The following NEK7 variants were observed in gnomAD, a reference collection of about 807,000 sequenced individuals.
The protein encoded by NEK7 is serine/threonine-protein kinase Nek7.
NEK7 carries 18 observed loss-of-function variants against 44.6 expected under a neutral mutation model. That is an observed-to-expected ratio of 0.40 (90% CI 0.28 to 0.60). NEK7 has a LOEUF of 0.60. NEK7 is among the 20% of genes least tolerant of loss of function. The probability of loss-of-function intolerance (pLI) is 0.38; values close to 1 mark genes in which losing one functional copy is unlikely to be tolerated. For missense variants in NEK7, 256 were observed against 366.5 expected (o/e 0.70, Z 2.46); for synonymous variants, 130 against 121.1 (o/e 1.07, Z -0.48).
At chr1:198,171,763 G>T (rs1176267521) in intron 1 of NEK7, among the ~76,000 whole-genome samples, 1 of 152,054 alleles carries the variant, frequency 6.6e-6, no homozygotes, top group Non-Finnish European at 1.5e-5. Flanking sequence ...TTAGGGCACT[G>T]GTTGTAGTTC....
intron 3 of NEK7, among the ~76,000 whole-genome samples, chr1:198,260,378 A>G (rs1653416462): frequency 6.6e-6 from 1 of 151,372 alleles, no homozygotes; most frequent in South Asian, 2.1e-4. Context: ...AGTTTATGTG[A>G]ACTTTGTGAT....
At chr1:198,300,742 T>C (rs1391182593) in intron 9 of NEK7, among the ~76,000 whole-genome samples, 1 of 152,204 alleles carries the variant, frequency 6.6e-6, no homozygotes, top group Non-Finnish European at 1.5e-5. Context: ...TGAGGGAATG[T>C]GGCAGGAATC....
At chr1:198,224,985 C>T (rs1666172345) in intron 1 of NEK7, among the ~76,000 whole-genome samples, 1 of 152,060 alleles carries the variant, frequency 6.6e-6, no homozygotes, top group Non-Finnish European at 1.5e-5. Context: ...TAGTTCAGAG[C>T]TCAGGATAGA....
intron 2 of NEK7, among the ~76,000 whole-genome samples, chr1:198,234,383 A>G (rs1317239576): frequency 6.6e-6 from 1 of 152,134 alleles, no homozygotes; most frequent in African/African-American, 2.4e-5. Flanking sequence ...AAACATATCT[A>G]TTAAACATAG....
intron 1 of NEK7, among the ~76,000 whole-genome samples, chr1:198,179,393 C>T (rs1483343240): frequency 6.6e-6 from 1 of 151,888 alleles, no homozygotes; most frequent in Non-Finnish European, 1.5e-5. Context: ...TTTATGTTTG[C>T]TTTATTTTTT....
intron 1 of NEK7, among the ~76,000 whole-genome samples, chr1:198,228,061 G>A (rs1010611521): frequency 6.6e-6 from 1 of 152,130 alleles, no homozygotes; most frequent in African/African-American, 2.4e-5. Flanking sequence ...TGTAAGGAAG[G>A]GATCCAGTTG....
intron 1 of NEK7, among the ~76,000 whole-genome samples, chr1:198,211,393 T>C (rs1418926665): frequency 1.3e-5 from 2 of 152,208 alleles, no homozygotes; most frequent in Non-Finnish European, 2.9e-5. Context: ...TACACAATTC[T>C]CTTTTCCATT....
chr1:198,231,332 TATATAA>T (rs1332262452), intron 1 of NEK7, among the ~76,000 whole-genome samples: 12 of 137,838 alleles, frequency 8.7e-5, no homozygotes, highest in African/African-American at 2.9e-4. Flanking sequence ...TATATATATA[TATATAA>T]AAACACATGA....
At chr1:198,176,605 T>A (rs867613176) in intron 1 of NEK7, among the ~76,000 whole-genome samples, 16 of 136,234 alleles carry the variant, frequency 1.2e-4, no homozygotes, top group African/African-American at 3.8e-4. Flanking sequence ...TATATATATA[T>A]AATGGGTATG....
intron 1 of NEK7, among the ~76,000 whole-genome samples, chr1:198,229,916 A>G (rs1666336766): frequency 2.0e-5 from 3 of 152,162 alleles, no homozygotes; most frequent in African/African-American, 7.2e-5. Flanking sequence ...GTCACGTATC[A>G]GTAGCTATAG....
intron 7 of NEK7, among the ~76,000 whole-genome samples, chr1:198,280,653 AATTC>A (rs1270472064): frequency 2.0e-5 from 3 of 151,414 alleles, no homozygotes; most frequent in African/African-American, 7.3e-5. Flanking sequence ...TAGATTTAAT[AATTC>A]ATTATGAATT....
intron 9 of NEK7, among the ~76,000 whole-genome samples, chr1:198,302,475 G>A (rs940279889): frequency 7.9e-5 from 12 of 151,370 alleles, no homozygotes; most frequent in African/African-American, 2.9e-4. Flanking sequence ...TCACTCAAAT[G>A]TTTAAGAATT....
intron 1 of NEK7, among the ~76,000 whole-genome samples, chr1:198,226,405 C>T (rs1408080822): frequency 1.3e-5 from 2 of 151,884 alleles, no homozygotes; most frequent in South Asian, 2.1e-4. Flanking sequence ...TTTAGCTGGG[C>T]GTGGTGGCAC....
At position 198,157,249 on chromosome 1, in the gene NEK7, G is replaced by T. The variant is rs894384019; in HGVS notation, c.-56G>T. ...CGCCCGCCCAAGGTCTCTCGCGGGC[G>T]GGAGAACGGAAAACTCCCAACTTCC... On this transcript the variant is annotated 5_prime_UTR_variant, in exon 1 of 10. Coordinates refer to ENST00000367385, the MANE Select transcript of NEK7 (RefSeq NM_133494.3). 3 of 152,012 alleles carry T rather than the reference G, an allele frequency of 2.0e-5. No individual in the cohort carries two copies. The highest frequency in any genetic ancestry group is 4.4e-5 in the Non-Finnish European group (3 of 68,002). The allele number at this position is 152,012 out of a possible 1,614,324, so 9.4% of individuals were successfully genotyped here.
chr1:198,199,074 T>C (rs1408737804), intron 1 of NEK7, among the ~76,000 whole-genome samples: 1 of 152,230 alleles, frequency 6.6e-6, no homozygotes, highest in Non-Finnish European at 1.5e-5. Flanking sequence ...TGGTCCACTT[T>C]AGTAGCAGCT....
chr1:198,317,658 A>G (rs567984437), intron 9 of NEK7, among the ~76,000 whole-genome samples: 79 of 152,212 alleles, frequency 5.2e-4, no homozygotes, highest in African/African-American at 1.2e-3. Context: ...AAAATTGTTT[A>G]CTGCATGCAT....
intron 9 of NEK7, among the ~76,000 whole-genome samples, chr1:198,310,364 T>A (rs1272532568): frequency 1.3e-5 from 2 of 151,958 alleles, no homozygotes; most frequent in Admixed American, 6.6e-5. Flanking sequence ...GATGAGTAGG[T>A]TGTGAAAATT....
intron 1 of NEK7, chr1:198,197,871 G>T (rs1033336932): frequency 1.3e-5 from 13 of 971,326 alleles, no homozygotes; most frequent in Non-Finnish European, 2.1e-5. Context: ...ATTTTCATCT[G>T]CATCTTCTTG....
At chr1:198,188,964 A>C (rs1025149032) in intron 1 of NEK7, among the ~76,000 whole-genome samples, 2 of 152,160 alleles carry the variant, frequency 1.3e-5, no homozygotes, top group African/African-American at 4.8e-5. Flanking sequence ...GTTTTCTTTT[A>C]CTATCCTAAA....
Sources: gnomAD v4.1 joint callset for allele counts (sites outside exome capture counted in the v4.1 genomes callset) on GRCh38, gnomAD v4.1.1 for gene constraint, MANE v1.5 for transcripts, NCBI Gene and HGNC (gene_info 2026-07-23, HGNC 2026-07-21) for gene names.